TAF12: variants seen among roughly 807,000 people sequenced by gnomAD.
TAF12 encodes TATA-box binding protein associated factor 12, also known as transcription initiation factor TFIID subunit 12.
Under a neutral mutation model 20.8 loss-of-function variants are expected in TAF12, and 3 were observed. The observed-to-expected ratio is 0.14, with a 90% CI of 0.07 to 0.37. The LOEUF is 0.37. TAF12 is among the 10% of genes least tolerant of loss of function. The pLI is 1.00. For synonymous variants in TAF12, 69 were observed against 70.2 expected, an observed-to-expected ratio of 0.98 and a Z score of 0.09; for missense variants, 131 against 197.9, an observed-to-expected ratio of 0.66 and a Z score of 2.03.
rs529169402 is a variant in TAF12 at position 28,612,824 on chromosome 1, G to A, written c.361+423C>T. ...GGCTAAAACTCTAAGGGAACACTGA[G>A]GAACAGTTTTATTTGCATGGTGAAG... is the stretch of plus-strand genomic sequence containing the variant. On this transcript the variant is annotated intron_variant, in intron 4 of 5. Coordinates refer to ENST00000373824, the MANE Select transcript of TAF12 (RefSeq NM_005644.4). 2.8e-4 allele frequency among the ~76,000 whole-genome samples: 43 copies of A among 152,170 alleles called. No individual in the cohort carries two copies. In the South Asian group the frequency reaches 8.7e-3, roughly 31 times the overall value.
At chr1:28,630,831 G>A (rs981827657) in intron 1 of TAF12, among the ~76,000 whole-genome samples, 9 of 151,510 alleles carry the variant, frequency 5.9e-5, no homozygotes, top group African/African-American at 2.2e-4. Context: ...AGATCACAAG[G>A]TCAGGAGTTC....
At chr1:28,633,602 C>A (rs910076198) in intron 1 of TAF12, among the ~76,000 whole-genome samples, 12 of 150,190 alleles carry the variant, frequency 8.0e-5, no homozygotes, top group African/African-American at 2.9e-4. Flanking sequence ...CACGGTGAAA[C>A]CCCGTCTCTA....
intron 1 of TAF12, among the ~76,000 whole-genome samples, chr1:28,625,380 C>G (rs1014968041): frequency 2.6e-5 from 4 of 151,696 alleles, no homozygotes; most frequent in Admixed American, 6.6e-5. Context: ...CCCTTTCTCT[C>G]TTTTTTTTGA....
At chr1:28,641,269 A>G (rs9426391) in intron 1 of TAF12, among the ~76,000 whole-genome samples, 41,388 of 151,532 alleles carry the variant, frequency 0.27, 5,841 homozygotes, top group Middle Eastern at 0.33. Flanking sequence ...ATCACTTGAG[A>G]TCAGGAGTTC....
At chr1:28,643,120 ACGCGCGGCTCTTCCGGCCGGCGGG>A, upstream of TAF12, 1 of 985,860 alleles carries the variant, frequency 1.0e-6, no homozygotes, top group Non-Finnish European at 1.2e-6. Context: ...CAACCCGGAA[ACGCGCGGCTCTTCCGGCCGGCGGG>A]CGCGCGCCTC....
chr1:28,643,047 G>T lies in TAF12; in HGVS notation c.-140C>A, dbSNP rs1220551002. The T allele has an allele frequency of 1.0e-6, 1 of 985,774 alleles. No individual in the cohort carries two copies. The allele number at this position is 985,774 out of a possible 1,614,324, so 61.1% of individuals were successfully genotyped here. ...CAGAGACTGCCCCAGTGAAGCGTTC[G>T]TCTCAGCAGCCGGTCCGACTGCGCG... On this transcript the variant is annotated 5_prime_UTR_variant, in exon 1 of 6. Coordinates refer to ENST00000373824, the MANE Select transcript of TAF12 (RefSeq NM_005644.4).
intron 3 of TAF12, among the ~76,000 whole-genome samples, chr1:28,616,971 T>C (rs1437401964): frequency 1.3e-5 from 2 of 151,336 alleles, no homozygotes; most frequent in Non-Finnish European, 2.9e-5. Flanking sequence ...AATACAAAAA[T>C]TAGCCAGGTG....
chr1:28,636,653 T>C (rs530016650), intron 1 of TAF12, among the ~76,000 whole-genome samples: 1 of 151,648 alleles, frequency 6.6e-6, no homozygotes, highest in South Asian at 2.1e-4. Context: ...ATCAAAAAAT[T>C]TGCCAGGCGT....
chr1:28,604,237 A>G (rs772349964), intron 5 of TAF12, among the ~76,000 whole-genome samples: 4 of 152,138 alleles, frequency 2.6e-5, no homozygotes, highest in Admixed American at 6.6e-5. Flanking sequence ...CCTGACCCCA[A>G]TCTTTTCTCC....
intron 4 of TAF12, among the ~76,000 whole-genome samples, chr1:28,612,177 T>A (rs748104697): frequency 4.5e-4 from 68 of 152,176 alleles, no homozygotes; most frequent in Non-Finnish European, 8.8e-5. Context: ...GGGCTGGGCA[T>A]GGTGGCTCAT....
upstream of TAF12, among the ~76,000 whole-genome samples, chr1:28,645,026 G>T (rs997420810): frequency 6.6e-6 from 1 of 151,750 alleles, no homozygotes; most frequent in Non-Finnish European, 1.5e-5. Flanking sequence ...AGCTTCCCAA[G>T]TAGATGAATT....
rs754692017 is a variant in TAF12 at position 28,603,349 on chromosome 1, G to C, written c.*190C>G. On this transcript the variant is annotated 3_prime_UTR_variant, in exon 6 of 6. Transcript: ENST00000373824. The stretch of plus-strand genomic sequence containing the variant: ...TTGAGATGGCAGGGAAAAGGGACCG[G>C]AAGTTGGGGTAGGAGGCTTTATTCT... 1.7e-6 allele frequency: 1 copy of C among 574,970 alleles called. No homozygotes were observed. Among genetic ancestry groups the C allele is most frequent in the African/African-American group, 1.9e-5 (1 of 53,620 alleles). The allele number at this position is 574,970 out of a possible 1,614,324, so 35.6% of individuals were successfully genotyped here. A position where few individuals can be genotyped will look rare whatever the true frequency, so the allele number is the denominator to read the frequency against.
chr1:28,637,943 G>C (rs1228839246), intron 1 of TAF12, among the ~76,000 whole-genome samples: 2 of 152,076 alleles, frequency 1.3e-5, no homozygotes, highest in Admixed American at 1.3e-4. Context: ...TTGCTGATAG[G>C]AGTTTAAGAC....
At chr1:28,636,059 A>T (rs987362301) in intron 1 of TAF12, among the ~76,000 whole-genome samples, 14 of 152,168 alleles carry the variant, frequency 9.2e-5, no homozygotes, top group Non-Finnish European at 1.6e-4. Context: ...TATCTAAATG[A>T]GCTCATATTT....
upstream of TAF12, among the ~76,000 whole-genome samples, chr1:28,645,442 G>C (rs1668162247): frequency 6.7e-6 from 1 of 149,432 alleles, no homozygotes; most frequent in Non-Finnish European, 1.5e-5. Flanking sequence ...GAGGTCAGGA[G>C]ATAGAGATCA....
At chr1:28,626,924 T>A (rs912778641) in intron 1 of TAF12, among the ~76,000 whole-genome samples, 4 of 152,130 alleles carry the variant, frequency 2.6e-5, no homozygotes, top group South Asian at 2.1e-4. Flanking sequence ...AAAAAAAATT[T>A]TTTTTTTAAA....
At chr1:28,614,593 G>C (rs1180924971) in intron 3 of TAF12, among the ~76,000 whole-genome samples, 1 of 151,650 alleles carries the variant, frequency 6.6e-6, no homozygotes, top group African/African-American at 2.4e-5. Flanking sequence ...TGAGGCAGGA[G>C]AATCGCTGAA....
chr1:28,618,050 G>C lies in TAF12; in HGVS notation c.169-20C>G. The C allele has an allele frequency of 6.3e-7, 1 of 1,597,114 alleles. No homozygotes were observed. The highest frequency in any genetic ancestry group is 8.6e-7 in the Non-Finnish European group (1 of 1,167,178). On this transcript the variant is annotated intron_variant, in intron 2 of 5. Coordinates refer to ENST00000373824, the MANE Select transcript of TAF12 (RefSeq NM_005644.4). The stretch of plus-strand genomic sequence containing the variant: ...CAATACCTAAAGTTAATTGGAAGAA[G>C]ACTTTTCAACCAGATATTAAGGAAA...
chr1:28,618,124 T>C lies in TAF12; in HGVS notation c.169-94A>G. Reference sequence around the variant, plus strand: ...TGAAGAAAGGCTGTCAAATTGTTGGTTTTAGTTTCCACTTTCCAATGAGTT... The same window carrying C: ...TGAAGAAAGGCTGTCAAATTGTTGGCTTTAGTTTCCACTTTCCAATGAGTT... On this transcript the variant is annotated intron_variant, in intron 2 of 5. Transcript: ENST00000373824. The C allele has an allele frequency of 2.4e-6, 3 of 1,230,280 alleles. No homozygotes were observed. In the South Asian group the frequency reaches 4.0e-5, roughly 16 times the overall value. 76.2% of individuals were successfully genotyped at this position (1,230,280 alleles called of 1,614,324 possible).
Sources: gnomAD v4.1 joint callset for allele counts (sites outside exome capture counted in the v4.1 genomes callset) on GRCh38, gnomAD v4.1.1 for gene constraint, MANE v1.5 for transcripts, NCBI Gene and HGNC (gene_info 2026-07-23, HGNC 2026-07-21) for gene names.